HIPK4: variants seen among roughly 807,000 people sequenced by gnomAD.
HIPK4 encodes the protein homeodomain-interacting protein kinase 4.
HIPK4 carries 26 observed loss-of-function variants against 44.8 expected under a neutral mutation model. The ratio of observed to expected loss-of-function variants is 0.58; its 90% CI spans 0.43 to 0.80. The LOEUF is 0.80. Among genes scored for constraint, HIPK4 ranks in the 30% least tolerant of loss-of-function variants. HIPK4 has a pLI of 0.00. For missense variants in HIPK4, 729 were observed against 862.6 expected (o/e 0.85, Z 1.94); for synonymous variants, 340 against 355.5 (o/e 0.96, Z 0.49).
intron 3 of HIPK4, 60 bp from the exon 4 acceptor site, chr19:40,379,829 G>C: frequency 6.5e-7 from 1 of 1,530,574 alleles, no homozygotes. Context: ...TGTCTGCTGA[G>C]CCTCTGTCAC....
chr19:40,384,078 A>T lies in HIPK4; in HGVS notation c.527T>A (p.Ile176Asn). Reference sequence around the variant, plus strand: ...AGGGGCCCGGTAGAAGCGCGACTGGATGTATGGCTCCTTCACGTAGCGCAC... The same window carrying T: ...AGGGGCCCGGTAGAAGCGCGACTGGTTGTATGGCTCCTTCACGTAGCGCAC... The part of the protein sequence containing the change: ...SEVRYVKEPY[I>N]QSRFYRAPEI... The change falls in exon 2 of 4, where the codon ATC becomes AAC. Residue 176 changes from isoleucine (I) to asparagine (N), a missense_variant. Ile to Asn is a moderately radical substitution (Grantham distance 149). Coordinates refer to ENST00000291823, the MANE Select transcript of HIPK4 (RefSeq NM_144685.5). 1.2e-6 allele frequency: 2 copies of T among 1,611,762 alleles called. No homozygotes were observed. The highest frequency in any genetic ancestry group is 1.7e-6 in the Non-Finnish European group (2 of 1,178,420).
chr19:40,380,315 C>T lies in HIPK4; in HGVS notation c.1668+8G>A, dbSNP rs750810593. The T allele has an allele frequency of 6.8e-6, 11 of 1,611,262 alleles. No homozygotes were observed. In the East Asian group the frequency reaches 8.9e-5, roughly 13 times the overall value. On this transcript the variant is annotated splice_region_variant and intron_variant, in intron 3 of 3. Transcript: ENST00000291823. The surrounding 1 kb of genome is among the most constrained non-coding windows in gnomAD (Gnocchi z 4.2). Reference sequence around the variant, plus strand: ...ACCCTAATCGTATCCTGAACGCACCCGGCTCACCTCAGCTTCCATGGTCAT... The same window carrying T: ...ACCCTAATCGTATCCTGAACGCACCTGGCTCACCTCAGCTTCCATGGTCAT...
chr19:40,381,399 CT>C (rs2079336158), intron 2 of HIPK4, among the ~76,000 whole-genome samples: 1 of 152,188 alleles, frequency 6.6e-6, no homozygotes, highest in Admixed American at 6.5e-5. Flanking sequence ...CTCCAGTCCC[CT>C]TCAGCACCAT....
Position 40,380,673 on chromosome 19 carries a change from C to T in HIPK4, c.1318G>A (p.Gly440Arg), listed in dbSNP as rs1344797102. The T allele has an allele frequency of 3.7e-6, 6 of 1,613,978 alleles. No individual in the cohort carries two copies. Among genetic ancestry groups the T allele is most frequent in the Middle Eastern group, 1.6e-4 (1 of 6,084 alleles). The change falls in exon 3 of 4, where the codon GGG becomes AGG. Residue 440 changes from glycine to arginine, a missense_variant. Around this residue, in one of 2 missense-constraint regions of HIPK4, gnomAD observed 533 missense variants for 567.5 expected, o/e 0.94. Transcript: ENST00000291823. This position sits in a 1 kb window ranked among gnomAD's most constrained non-coding sequence, Gnocchi z 4.2. ...DDLSLQEAGH[G>R]LWGETCTNAV... is the part of the protein sequence containing the mutation. ...TTGGTGCAGGTCTCACCCCACAGCC[C>T]ATGCCCAGCCTCCTGCAGACTCAGG...
intron 2 of HIPK4, 104 bp from the exon 3 acceptor site, chr19:40,381,272 C>T: frequency 1.1e-6 from 1 of 934,918 alleles, no homozygotes; most frequent in Middle Eastern, 2.5e-4. Context: ...TCCAGGTCTG[C>T]CCATGATCTG....
chr19:40,382,757 T>C (rs2079343067), intron 2 of HIPK4, among the ~76,000 whole-genome samples: 1 of 151,884 alleles, frequency 6.6e-6, no homozygotes, highest in South Asian at 2.1e-4. Flanking sequence ...ATTAAAAAAA[T>C]ATTTTTTTGG....
At chr19:40,385,692 T>TC (rs1568696628) in intron 1 of HIPK4, among the ~76,000 whole-genome samples, 1 of 138,914 alleles carries the variant, frequency 7.2e-6, no homozygotes, top group Non-Finnish European at 1.6e-5. Flanking sequence ...TCTTTTTTTT[T>TC]TTTTTTTTTT....
rs140678043 is a variant in HIPK4, at chr19:40,380,766, C to T, written c.1225G>A (p.Gly409Ser). ...KEAAGMGSVAGSSPFFREEKA... is the reference protein window; with the variant it reads ...KEAAGMGSVASSSPFFREEKA... ...TCCTCTCGGAAGAAGGGGCTGCTGC[C>T]GGCCACACTGCCCATACCCGCAGCC... Residue 409 changes from glycine to serine, a missense_variant, in exon 3 of 4, where the codon GGC becomes AGC. This residue lies in a region of HIPK4 where 533 missense variants were observed against 567.5 expected (regional missense o/e 0.94). Transcript: ENST00000291823. This position sits in a 1 kb window ranked among gnomAD's most constrained non-coding sequence, Gnocchi z 4.2. The T allele has an allele frequency of 7.3e-4, 1,177 of 1,614,058 alleles. No homozygotes were observed. The highest frequency in any genetic ancestry group is 9.3e-4 in the Non-Finnish European group (1,101 of 1,180,018).
chr19:40,381,377 CT>C (rs200231953), intron 2 of HIPK4, among the ~76,000 whole-genome samples: 2,468 of 152,278 alleles, frequency 0.016, 150 homozygotes, highest in Admixed American at 0.12. Flanking sequence ...AGTTCCACCC[CT>C]TGCCCCAGAC....
chr19:40,380,568 G>C lies in HIPK4; in HGVS notation c.1423C>G (p.Leu475Val). The C allele has an allele frequency of 6.2e-7, 1 of 1,612,564 alleles. No individual in the cohort carries two copies. Among genetic ancestry groups the C allele is most frequent in the Non-Finnish European group, 8.5e-7 (1 of 1,179,818 alleles). The change falls in exon 3 of 4, where the codon CTG becomes GTG. Residue 475 changes from leucine to valine, a missense_variant. Around this residue, in one of 2 missense-constraint regions of HIPK4, gnomAD observed 533 missense variants for 567.5 expected, o/e 0.94. Coordinates refer to ENST00000291823, the MANE Select transcript of HIPK4 (RefSeq NM_144685.5). This position sits in a 1 kb window ranked among gnomAD's most constrained non-coding sequence, Gnocchi z 4.2. ...HVPDSGPEPI[L>V]AFYSSRLAGR... ...GCCAGGCGGCTGCTGTAGAAGGCCA[G>C]GATGGGCTCAGGGCCCGAGTCGGGC...
At chr19:40,387,792 C>T (rs2079369956) in intron 1 of HIPK4, among the ~76,000 whole-genome samples, 1 of 151,956 alleles carries the variant, frequency 6.6e-6, no homozygotes, top group Admixed American at 6.6e-5. Context: ...CTGTTTCCTT[C>T]TCTGAGTTTT....
Position 40,380,929 on chromosome 19 carries a change from A to G in HIPK4, c.1062T>C (p.Ser354=), listed in dbSNP as rs756557433. The part of the protein sequence containing the change: ...HPFVSMQQLR[S]AHETTHYYQL... ...GGTAGTAGTGGGTGGTCTCGTGGGC[A>G]CTGCGCAGCTGCTGCATGGACACGA... The change falls in exon 3 of 4, where the codon AGT becomes AGC. Residue 354 remains serine (S), a synonymous_variant. Transcript: ENST00000291823. The surrounding 1 kb of genome is among the most constrained non-coding windows in gnomAD (Gnocchi z 4.2). The G allele has an allele frequency of 6.8e-6, 11 of 1,607,362 alleles. No individual in the cohort carries two copies. The highest frequency in any genetic ancestry group is 9.4e-6 in the Non-Finnish European group (11 of 1,175,286).
At position 40,383,950 on chromosome 19, in the gene HIPK4, T is replaced by C; in HGVS notation, c.655A>G (p.Asn219Asp). The change falls in exon 2 of 4, where the codon AAC becomes GAC. Residue 219 changes from asparagine (N) to aspartate (D), a missense_variant. By Grantham distance (23) the Asn-to-Asp change is conservative. Around this residue, in one of 2 missense-constraint regions of HIPK4, gnomAD observed 533 missense variants for 567.5 expected, o/e 0.94. Transcript: ENST00000291823. ...ATGTAGCGCACCTGGTCGTACTCGT[T>C]GTTGCCGGGGTAGAGAGGCCAGCCC... is the stretch of plus-strand genomic sequence containing the variant. ...HLGWPLYPGNNEYDQVRYICE... is the reference protein window; with the variant it reads ...HLGWPLYPGNDEYDQVRYICE... The C allele has an allele frequency of 1.9e-6, 3 of 1,614,152 alleles. No individual in the cohort carries two copies. The highest frequency in any genetic ancestry group is 1.7e-6 in the Non-Finnish European group (2 of 1,180,014).
In HIPK4 at chr19:40,389,886, G is replaced by T; in HGVS notation, c.17C>A (p.Ser6Ter). The change falls in exon 1 of 4, where the codon TCG becomes TAG. Residue 6 changes from serine (S) to a stop codon, truncating the protein, a stop_gained. Transcript: ENST00000291823. LOFTEE classifies it high-confidence loss of function. The surrounding 1 kb of genome is among the most constrained non-coding windows in gnomAD (Gnocchi z 4.6). ...GATGATGTCGTAGCAGTCAGTCTCC[G>T]ACTGGATGGTGGACATGGTGCCGCT... The part of the protein sequence containing the change: MSTIQ[S>*]ETDCYDIIEV... The T allele has an allele frequency of 6.2e-7, 1 of 1,608,040 alleles. No individual in the cohort carries two copies.
chr19:40,389,720 G>A lies in HIPK4; in HGVS notation c.183C>T (p.Cys61=), dbSNP rs2079379459. The change falls in exon 1 of 4, where the codon TGC becomes TGT. Residue 61 remains cysteine (C), a synonymous_variant. Coordinates refer to ENST00000291823, the MANE Select transcript of HIPK4 (RefSeq NM_144685.5). This position sits in a 1 kb window ranked among gnomAD's most constrained non-coding sequence, Gnocchi z 4.6. ...CCTCTTCAGGGTCTAGGCCTCGCAT[G>A]CAGTGCAGCAGCTTCAGCTCGTTCT... ...IIKNELKLLH[C]MRGLDPEEAH... 2 of 1,614,104 alleles carry A rather than the reference G, an allele frequency of 1.2e-6. No individual in the cohort carries two copies.
At position 40,379,391 on chromosome 19, in the gene HIPK4, A is replaced by G. The variant is rs1599640043; in HGVS notation, c.*196T>C. 3 of 563,064 alleles carry G rather than the reference A, an allele frequency of 5.3e-6. No individual in the cohort carries two copies. The highest frequency in any genetic ancestry group is 9.1e-6 in the Non-Finnish European group (3 of 329,948). 34.9% of individuals were successfully genotyped at this position (563,064 alleles called of 1,614,324 possible). On this transcript the variant is annotated 3_prime_UTR_variant, in exon 4 of 4. Transcript: ENST00000291823. ...GGCCAAGGAGCATGGGCCAGACTCC[A>G]AAGCCCTGCTGTGTTTAGGAGAGGT... is the stretch of plus-strand genomic sequence containing the variant.
In HIPK4 at chr19:40,389,571, C is replaced by T. The variant is rs1026949470; in HGVS notation, c.332G>A (p.Arg111His). 4.7e-5 allele frequency: 76 copies of T among 1,611,284 alleles called. No homozygotes were observed. The highest frequency in any genetic ancestry group is 6.1e-5 in the Non-Finnish European group (72 of 1,178,046). ...KENNFAPLPA[R>H]HIRTVTLQVL... The stretch of plus-strand genomic sequence containing the variant: ...CTGCAGGGTGACTGTACGGATGTGG[C>T]GGGCGGGGAGGGGCGCGAAGTTGTT... Residue 111 changes from arginine (R) to histidine (H), a missense_variant, in exon 1 of 4, where the codon CGC (arginine) becomes CAC (histidine). By Grantham distance (29) the Arg-to-His change is conservative. This residue lies in a region of HIPK4 where 196 missense variants were observed against 295.1 expected (regional missense o/e 0.66). Coordinates refer to ENST00000291823, the MANE Select transcript of HIPK4 (RefSeq NM_144685.5). The surrounding 1 kb of genome is among the most constrained non-coding windows in gnomAD (Gnocchi z 4.6).
chr19:40,380,887 G>T lies in HIPK4; in HGVS notation c.1104C>A (p.Ser368Arg), dbSNP rs1217731295. ...TTHYYQLSLR[S>R]YRLSLQVEGK... is the part of the protein sequence containing the mutation. Reference sequence around the variant, plus strand: ...CCTCCACTTGCAGCGAGAGGCGGTAGCTGCGCAGCGAGAGCTGGTAGTAGT... The same window carrying T: ...CCTCCACTTGCAGCGAGAGGCGGTATCTGCGCAGCGAGAGCTGGTAGTAGT... Residue 368 changes from serine (S) to arginine (R), a missense_variant, in exon 3 of 4, where the codon AGC becomes AGA. By Grantham distance (110) the Ser-to-Arg change is moderately radical (BLOSUM62 -1). Around this residue, in one of 2 missense-constraint regions of HIPK4, gnomAD observed 533 missense variants for 567.5 expected, o/e 0.94. Transcript: ENST00000291823. The surrounding 1 kb of genome is among the most constrained non-coding windows in gnomAD (Gnocchi z 4.2). 6.2e-7 allele frequency: 1 copy of T among 1,607,020 alleles called. No homozygotes were observed. Among genetic ancestry groups the T allele is most frequent in the Admixed American group, 1.7e-5 (1 of 59,920 alleles).
intron 2 of HIPK4, 128 bp from the exon 3 acceptor site, chr19:40,381,296 T>A: frequency 2.6e-6 from 2 of 780,186 alleles, no homozygotes; most frequent in South Asian, 1.8e-5. Flanking sequence ...TGGAGCTCTC[T>A]GGCTGCTAGG....
Sources: allele counts gnomAD v4.1 joint callset (sites outside exome capture counted in the v4.1 genomes callset), GRCh38; gene constraint gnomAD v4.1.1; regional missense constraint gnomAD v4.1.1; non-coding constraint Gnocchi (gnomAD v3.1); transcripts MANE v1.5; gene names NCBI Gene and HGNC (gene_info 2026-07-23, HGNC 2026-07-21).